The following MAGI2 variants were observed in gnomAD, a reference collection of about 807,000 sequenced individuals.
The protein encoded by MAGI2 is membrane associated guanylate kinase, WW and PDZ domain containing 2.
In MAGI2, 35 loss-of-function variants were observed where a neutral mutation model predicts 133.3. That is an observed-to-expected ratio of 0.26 (90% confidence interval 0.20 to 0.35). The LOEUF (loss-of-function observed/expected upper bound fraction) is 0.35. Among genes scored for constraint, MAGI2 ranks in the 10% least tolerant of loss-of-function variants. The pLI is 1.00. For missense variants in MAGI2, 1,636 were observed against 1,863.4 expected (o/e 0.88, Z 2.25); for synonymous variants, 729 against 710.6 (o/e 1.03, Z -0.41).
chr7:79,037,330 A>T (rs1354857533), intron 1 of MAGI2, among the ~76,000 whole-genome samples: 1 of 152,136 alleles, frequency 6.6e-6, no homozygotes, highest in Non-Finnish European at 1.5e-5. Flanking sequence ...TCTGGTCATA[A>T]AACCCCTGCG....
At chr7:79,054,118 C>A (rs562447583) in intron 1 of MAGI2, among the ~76,000 whole-genome samples, 2 of 152,126 alleles carry the variant, frequency 1.3e-5, no homozygotes, top group East Asian at 3.9e-4. Flanking sequence ...ATCGCTTGAA[C>A]CCGGGAGGCA....
chr7:78,663,716 A>C (rs1337952845), intron 2 of MAGI2, among the ~76,000 whole-genome samples: 2 of 152,226 alleles, frequency 1.3e-5, no homozygotes, highest in Non-Finnish European at 2.9e-5. Flanking sequence ...AACAGTTAAC[A>C]CCACTACTGA....
At chr7:78,643,909 A>G in intron 2 of MAGI2, among the ~76,000 whole-genome samples, 1 of 152,180 alleles carries the variant, frequency 6.6e-6, no homozygotes, top group East Asian at 1.9e-4. Context: ...CATCCATTTA[A>G]AAGAGCAAAA....
intron 2 of MAGI2, among the ~76,000 whole-genome samples, chr7:78,885,334 C>T (rs927147168): frequency 6.6e-6 from 1 of 152,092 alleles, no homozygotes; most frequent in Admixed American, 6.6e-5. Flanking sequence ...AATAAAAAAT[C>T]AACACGTATG....
intron 21 of MAGI2, among the ~76,000 whole-genome samples, chr7:78,041,274 T>C (rs188587383): frequency 5.0e-4 from 76 of 152,260 alleles, no homozygotes; most frequent in African/African-American, 1.7e-3. Flanking sequence ...TCTTTCAAAA[T>C]AGAGATACGA....
chr7:78,731,121 C>G (rs888119215), intron 2 of MAGI2, among the ~76,000 whole-genome samples: 3 of 151,932 alleles, frequency 2.0e-5, no homozygotes, highest in African/African-American at 7.2e-5. Context: ...CAAATTACTT[C>G]CTTTGGGTGA....
At chr7:78,712,025 A>G (rs548523801) in intron 2 of MAGI2, among the ~76,000 whole-genome samples, 1 of 152,260 alleles carries the variant, frequency 6.6e-6, no homozygotes, top group African/African-American at 2.4e-5. Flanking sequence ...ACCTTCCTCC[A>G]CTGGACTGCA....
intron 2 of MAGI2, among the ~76,000 whole-genome samples, chr7:78,651,428 A>G (rs1021693293): frequency 1.3e-5 from 2 of 151,766 alleles, no homozygotes; most frequent in African/African-American, 4.8e-5. Flanking sequence ...CTTTCAGCGC[A>G]CCCACTGAAG....
At chr7:78,401,000 G>A (rs138350192) in intron 6 of MAGI2, among the ~76,000 whole-genome samples, 1 of 151,540 alleles carries the variant, frequency 6.6e-6, no homozygotes, top group East Asian at 1.9e-4. Context: ...TATTTACCTC[G>A]TAAGTTCTTA....
rs201137059 is a variant in MAGI2 at position 78,746,780 on chromosome 7, G to GT, written c.419-119542dup. Among the ~76,000 whole-genome samples, 1,255 of 151,960 alleles carry GT rather than the reference G, an allele frequency of 8.3e-3. 19 individuals carry two copies. Among genetic ancestry groups the GT allele is most frequent in the African/African-American group, 0.029 (1,198 of 41,462 alleles). The stretch of plus-strand genomic sequence containing the variant: ...TTTGATTTAGTCTGAGAGTTTTCTA[G>GT]TTTTTTTTACAAAGCATATTAATTA... On this transcript the variant is annotated intron_variant, in intron 2 of 21. Coordinates refer to ENST00000354212, the MANE Select transcript of MAGI2 (RefSeq NM_012301.4).
intron 2 of MAGI2, among the ~76,000 whole-genome samples, chr7:78,834,361 G>A (rs549129328): frequency 6.6e-6 from 1 of 152,086 alleles, no homozygotes; most frequent in East Asian, 1.9e-4. Flanking sequence ...CTCCAATCCC[G>A]CATCCTCCTT....
intron 1 of MAGI2, among the ~76,000 whole-genome samples, chr7:79,072,003 C>T (rs1815032079): frequency 6.6e-6 from 1 of 152,114 alleles, no homozygotes; most frequent in South Asian, 2.1e-4. Context: ...TGCACTGTTC[C>T]TGCTAGTACA....
chr7:79,176,960 TG>T (rs1312253494), intron 1 of MAGI2: 4 of 152,004 alleles, frequency 2.6e-5, no homozygotes, highest in Non-Finnish European at 5.9e-5. Flanking sequence ...AACTGAACCT[TG>T]TTTTTGACAC....
chr7:79,414,993 T>C (rs181333475), intron 1 of MAGI2: 10 of 152,218 alleles, frequency 6.6e-5, no homozygotes, highest in East Asian at 1.9e-4. Context: ...GTTGAGGAAA[T>C]AGATCCAGTA....
chr7:79,406,982 G>T (rs536448158), intron 1 of MAGI2, among the ~76,000 whole-genome samples: 1 of 152,160 alleles, frequency 6.6e-6, no homozygotes, highest in South Asian at 2.1e-4. Flanking sequence ...TCTCCTAATT[G>T]TCCAAGTACC....
chr7:79,370,150 AT>A (rs1842963556), intron 1 of MAGI2, among the ~76,000 whole-genome samples: 1 of 152,100 alleles, frequency 6.6e-6, no homozygotes, highest in African/African-American at 2.4e-5. Context: ...TTTAGCTTTT[AT>A]TTATTTTGCT....
At position 78,085,551 on chromosome 7, in the gene MAGI2, CA is replaced by C. The variant is rs1563101868; in HGVS notation, c.3568-6467del. 2.6e-3 allele frequency among the ~76,000 whole-genome samples: 157 copies of C among 61,180 alleles called. 1 individual carries two copies. Among genetic ancestry groups the C allele is most frequent in the African/African-American group, 7.8e-3 (136 of 17,442 alleles). The allele number at this position is 61,180 out of a possible 152,430, so 40.1% of individuals were successfully genotyped here. The stretch of plus-strand genomic sequence containing the variant: ...AAACAAAACAAAATAATAAAACTCC[CA>C]CACACACACACACACACACACACAC... On this transcript the variant is annotated intron_variant, in intron 20 of 21. Transcript: ENST00000354212.
At chr7:78,580,747 T>G (rs1273726232) in intron 3 of MAGI2, among the ~76,000 whole-genome samples, 1 of 152,198 alleles carries the variant, frequency 6.6e-6, no homozygotes, top group Non-Finnish European at 1.5e-5. Flanking sequence ...CTAAAGAGAA[T>G]GAGTTTTATC....
chr7:78,724,990 A>G (rs1195612263), intron 2 of MAGI2, among the ~76,000 whole-genome samples: 1 of 152,214 alleles, frequency 6.6e-6, no homozygotes, highest in Non-Finnish European at 1.5e-5. Context: ...AAAATAGAGG[A>G]ACTAGGAATA....
Sources: allele counts gnomAD v4.1 joint callset (sites outside exome capture counted in the v4.1 genomes callset), GRCh38; gene constraint gnomAD v4.1.1; transcripts MANE v1.5; gene names NCBI Gene and HGNC (gene_info 2026-07-23, HGNC 2026-07-21).